JDP2: variants seen among roughly 807,000 people sequenced by gnomAD.
JDP2 encodes Jun dimerization protein 2, also known as progesterone receptor co-activator.
Under a neutral mutation model 17.1 loss-of-function variants are expected in JDP2, and 9 were observed. That is an observed-to-expected ratio of 0.53 (90% CI 0.32 to 0.92). The LOEUF (loss-of-function observed/expected upper bound fraction) is 0.92. JDP2 is among the 40% of genes least tolerant of loss of function. JDP2 has a pLI of 0.04. For synonymous variants in JDP2, 107 were observed against 95.6 expected (o/e 1.12, Z -0.69); for missense variants, 179 against 220.0 (o/e 0.81, Z 1.18).
chr14:75,447,084 G>T (rs970448650), intron 2 of JDP2, among the ~76,000 whole-genome samples: 1 of 152,148 alleles, frequency 6.6e-6, no homozygotes, highest in African/African-American at 2.4e-5. Flanking sequence ...GTATAGAATA[G>T]CAGTTTCTAA....
chr14:75,454,753 G>A (rs1308569307), intron 2 of JDP2, among the ~76,000 whole-genome samples: 2 of 152,074 alleles, frequency 1.3e-5, no homozygotes, highest in African/African-American at 2.4e-5. Flanking sequence ...GTACAAACCC[G>A]GGGGACAGGG....
chr14:75,435,527 C>T (rs1198090311), intron 1 of JDP2, among the ~76,000 whole-genome samples: 1 of 152,112 alleles, frequency 6.6e-6, no homozygotes, highest in East Asian at 1.9e-4. Flanking sequence ...TATTGGACCC[C>T]AGAAAGGGAA....
chr14:75,462,643 C>T (rs1047048267), intron 3 of JDP2, among the ~76,000 whole-genome samples: 1 of 152,114 alleles, frequency 6.6e-6, no homozygotes, highest in African/African-American at 2.4e-5. Flanking sequence ...AATGTGCATC[C>T]GTGTGTTGGG....
intron 1 of JDP2, among the ~76,000 whole-genome samples, chr14:75,431,873 ACT>A (rs1236697564): frequency 6.6e-6 from 1 of 152,200 alleles, no homozygotes; most frequent in African/African-American, 2.4e-5. Context: ...CACTGACTTC[ACT>A]CTTACTATGT....
intron 2 of JDP2, among the ~76,000 whole-genome samples, chr14:75,444,534 C>T (rs1885505586): frequency 6.6e-6 from 1 of 152,158 alleles, no homozygotes; most frequent in Admixed American, 6.5e-5. Flanking sequence ...TCGCTCATTC[C>T]CAGCACAACC....
intron 2 of JDP2, among the ~76,000 whole-genome samples, chr14:75,446,425 G>A (rs1441036403): frequency 6.6e-6 from 1 of 152,180 alleles, no homozygotes; most frequent in African/African-American, 2.4e-5. Flanking sequence ...ATTGGTGCAT[G>A]AATAAATAAA....
At chr14:75,460,239 A>C (rs990233782) in intron 2 of JDP2, among the ~76,000 whole-genome samples, 6 of 152,148 alleles carry the variant, frequency 3.9e-5, no homozygotes, top group Non-Finnish European at 7.4e-5. Context: ...ACATGTCCTG[A>C]GGGAGAAGCA....
At chr14:75,464,582 G>A (rs984499190) in intron 3 of JDP2, among the ~76,000 whole-genome samples, 1 of 152,170 alleles carries the variant, frequency 6.6e-6, no homozygotes, top group Non-Finnish European at 1.5e-5. Flanking sequence ...GAGCATCCTC[G>A]GATTTTGGTA....
chr14:75,462,306 A>G (rs1166762246), intron 3 of JDP2, among the ~76,000 whole-genome samples: 1 of 152,180 alleles, frequency 6.6e-6, no homozygotes. Flanking sequence ...ACCCCTAATC[A>G]TTGGTTCTTT....
intron 3 of JDP2, among the ~76,000 whole-genome samples, chr14:75,466,123 A>G (rs1043339128): frequency 6.6e-6 from 1 of 152,210 alleles, no homozygotes; most frequent in Non-Finnish European, 1.5e-5. Context: ...TTGAGTGTGG[A>G]AGGCAGTAAA....
intron 2 of JDP2, among the ~76,000 whole-genome samples, chr14:75,448,782 G>A (rs1398020900): frequency 6.6e-6 from 1 of 152,124 alleles, no homozygotes; most frequent in Admixed American, 6.5e-5. Context: ...CATGCCAAAG[G>A]AACCCTCATT....
intron 3 of JDP2, among the ~76,000 whole-genome samples, chr14:75,462,602 T>G (rs1886389576): frequency 6.6e-6 from 1 of 152,206 alleles, no homozygotes; most frequent in East Asian, 1.9e-4. Flanking sequence ...GTTCATTAAT[T>G]GATTCAACGG....
chr14:75,432,929 C>T (rs549412041), intron 1 of JDP2, among the ~76,000 whole-genome samples: 9 of 152,048 alleles, frequency 5.9e-5, no homozygotes, highest in African/African-American at 2.2e-4. Context: ...GGACCGGGCA[C>T]GGTGGCTCAC....
At chr14:75,457,272 T>C (rs1232291270) in intron 2 of JDP2, among the ~76,000 whole-genome samples, 1 of 152,230 alleles carries the variant, frequency 6.6e-6, no homozygotes. Context: ...GCAAATGCTT[T>C]AGAGAATTCA....
At chr14:75,451,435 G>A (rs927712736) in intron 2 of JDP2, among the ~76,000 whole-genome samples, 8 of 152,164 alleles carry the variant, frequency 5.3e-5, no homozygotes, top group African/African-American at 1.7e-4. Flanking sequence ...TGAGCCCTCA[G>A]GGACATCCAC....
rs1886865439 is a variant in JDP2, at chr14:75,474,034, A to C, written c.*4559A>C. On this transcript the variant is annotated 3_prime_UTR_variant, in exon 4 of 4. Transcript: ENST00000651602. ...TTTCAGAGGTGGGTGATGTGTGCAC[A>C]GATGTGGGCTATCTTCTCCACACTC... 1 of 152,220 alleles carries C rather than the reference A, an allele frequency of 6.6e-6. No individual in the cohort carries two copies. Among genetic ancestry groups the C allele is most frequent in the African/African-American group, 2.4e-5 (1 of 41,450 alleles). The allele number at this position is 152,220 out of a possible 1,614,324, so 9.4% of individuals were successfully genotyped here.
chr14:75,458,116 G>A (rs1332971234), intron 2 of JDP2, among the ~76,000 whole-genome samples: 10 of 152,228 alleles, frequency 6.6e-5, no homozygotes, highest in Admixed American at 6.5e-4. Context: ...GTGGTAGGAT[G>A]CGATGGAGAC....
intron 2 of JDP2, among the ~76,000 whole-genome samples, chr14:75,457,509 G>A (rs1023795153): frequency 2.6e-5 from 4 of 152,226 alleles, no homozygotes; most frequent in South Asian, 2.1e-4. Context: ...AAATAGCAGT[G>A]CGAGGATTTA....
In JDP2 at chr14:75,432,144, C is replaced by T. The variant is rs146263493; in HGVS notation, c.-24+3892C>T. On this transcript the variant is annotated intron_variant, in intron 1 of 3. Coordinates refer to ENST00000651602, the MANE Select transcript of JDP2 (RefSeq NM_001135048.2). ...GCTGGGGACAGCCATCTGAAGAGGG[C>T]CTTTTGCTGCTCGCCTTCACTCTCA... 2,399 of 620,644 alleles carry T rather than the reference C, an allele frequency of 3.9e-3. 25 individuals carry two copies. The highest frequency in any genetic ancestry group is 0.016 in the South Asian group (862 of 52,404). 38.4% of individuals were successfully genotyped at this position (620,644 alleles called of 1,614,324 possible).
Sources: gnomAD v4.1 joint callset for allele counts (sites outside exome capture counted in the v4.1 genomes callset) on GRCh38, gnomAD v4.1.1 for gene constraint, MANE v1.5 for transcripts, NCBI Gene and HGNC (gene_info 2026-07-23, HGNC 2026-07-21) for gene names.